Variants in NHS observed in about 807,000 individuals in gnomAD.
NHS encodes the protein NHS actin remodeling regulator.
Under a neutral mutation model 72.5 loss-of-function variants are expected in NHS, and 5 were observed. That is an observed-to-expected ratio of 0.07 (90% confidence interval 0.04 to 0.14). NHS has a LOEUF of 0.14. Among genes scored for constraint, NHS ranks in the 10% least tolerant of loss-of-function variants. NHS has a pLI of 1.00. For missense variants in NHS, 1,072 were observed against 1,355.7 expected, an observed-to-expected ratio of 0.79 and a Z score of 3.29; for synonymous variants, 464 against 547.7, an observed-to-expected ratio of 0.85 and a Z score of 2.13.
intron 1 of NHS, among the ~76,000 whole-genome samples, chrX:17,594,043 C>T (rs1304868219): frequency 1.8e-5 from 2 of 112,080 alleles, no homozygotes; most frequent in Admixed American, 9.4e-5. Context: ...CACTGAGTAC[C>T]TATTGTGTAC....
chrX:17,470,941 G>T (rs886544770), intron 1 of NHS, among the ~76,000 whole-genome samples: 1 of 111,180 alleles, frequency 9.0e-6, no homozygotes, highest in Admixed American at 9.6e-5. Context: ...CAGTGGGGGG[G>T]TGTTGATCAT....
intron 1 of NHS, among the ~76,000 whole-genome samples, chrX:17,574,893 T>C (rs944613390): frequency 1.8e-5 from 2 of 111,833 alleles, no homozygotes; most frequent in Non-Finnish European, 3.8e-5. Context: ...GCTGTTACCA[T>C]TATAGATGGG....
chrX:17,674,805 C>T (rs963965191), intron 1 of NHS, among the ~76,000 whole-genome samples: 2 of 112,077 alleles, frequency 1.8e-5, no homozygotes, highest in Non-Finnish European at 3.8e-5. Flanking sequence ...CTCTCCTCAT[C>T]ACTGTGTGGG....
At chrX:17,679,754 CAA>C (rs1268126140) in intron 1 of NHS, among the ~76,000 whole-genome samples, 1 of 108,567 alleles carries the variant, frequency 9.2e-6, no homozygotes, top group Non-Finnish European at 1.9e-5. Flanking sequence ...ACTCAGAATG[CAA>C]AAGAGACAGA....
intron 5 of NHS, 125 bp downstream of exon 5, chrX:17,721,758 A>G: frequency 1.7e-6 from 1 of 581,578 alleles, no homozygotes; most frequent in Non-Finnish European, 2.6e-6. Context: ...TCATCAAAAT[A>G]CAAACCCAGA....
chrX:17,664,600 C>A (rs963797395), intron 1 of NHS, among the ~76,000 whole-genome samples: 4 of 112,140 alleles, frequency 3.6e-5, no homozygotes, highest in Non-Finnish European at 7.5e-5. Flanking sequence ...ACTGTCTTGA[C>A]CTCTGTAGAT....
intron 4 of NHS, among the ~76,000 whole-genome samples, chrX:17,719,908 T>TG (rs1266507005): frequency 9.0e-6 from 1 of 110,752 alleles, no homozygotes; most frequent in Non-Finnish European, 1.9e-5. Flanking sequence ...CCTCTGGTGG[T>TG]GGGGGGTTTC....
chrX:17,637,396 G>T (rs1017895733), intron 1 of NHS, among the ~76,000 whole-genome samples: 5 of 111,515 alleles, frequency 4.5e-5, no homozygotes, highest in Middle Eastern at 4.6e-3. Flanking sequence ...GGACTGGGCG[G>T]GGGTGGTGGT....
chrX:17,712,253 G>GTATATATATATATATATATATA (rs1216194040), intron 3 of NHS, among the ~76,000 whole-genome samples: 1 of 50,151 alleles, frequency 2.0e-5, no homozygotes, highest in African/African-American at 6.7e-5. Flanking sequence ...TTGTGTGTGT[G>GTATATATATATATATATATATA]TATATATATA....
intron 1 of NHS, among the ~76,000 whole-genome samples, chrX:17,440,760 AC>A (rs759573978): frequency 7.2e-5 from 8 of 111,642 alleles, no homozygotes; most frequent in South Asian, 3.8e-4. Context: ...GAAATAAGCA[AC>A]CCCTTTCCTT....
At chrX:17,450,237 CACTTGAAAGGGGAGTAGCAA>C (rs923266489) in intron 1 of NHS, among the ~76,000 whole-genome samples, 1 of 111,568 alleles carries the variant, frequency 9.0e-6, no homozygotes, top group African/African-American at 3.3e-5. Context: ...GTTTGGCTAA[CACTTGAAAGGGGAGTAGCAA>C]ACTTCTAATT....
At chrX:17,675,782 T>G (rs1419131402) in intron 1 of NHS, among the ~76,000 whole-genome samples, 2 of 112,195 alleles carry the variant, frequency 1.8e-5, no homozygotes, top group Non-Finnish European at 3.8e-5. Flanking sequence ...ATACCTAGGC[T>G]TTTGGGATGG....
chrX:17,398,276 A>G (rs767637260), intron 1 of NHS, among the ~76,000 whole-genome samples: 2 of 111,980 alleles, frequency 1.8e-5, no homozygotes, highest in South Asian at 3.8e-4. Context: ...CTTGTAACCT[A>G]TCATTTGAGG....
chrX:17,430,357 C>T lies in NHS; in HGVS notation c.565+54035C>T, dbSNP rs868738292. Reference sequence around the variant, plus strand: ...TTCTTCTCTTTCTTTCTTTCTTTTTCTTCTTTCTTTCTTTCCTTCTTTCTT... The same window carrying T: ...TTCTTCTCTTTCTTTCTTTCTTTTTTTTCTTTCTTTCTTTCCTTCTTTCTT... On this transcript the variant is annotated intron_variant, in intron 1 of 8. Transcript: ENST00000676302. Among the ~76,000 whole-genome samples the T allele has an allele frequency of 9.3e-3, 599 of 64,588 alleles. 9 individuals carry two copies. Among genetic ancestry groups the T allele is most frequent in the African/African-American group, 0.033 (561 of 17,117 alleles). The allele number at this position is 64,588 out of a possible 115,157, so 56.1% of individuals were successfully genotyped here.
At chrX:17,526,719 T>A (rs762195715) in intron 1 of NHS, among the ~76,000 whole-genome samples, 3 of 111,648 alleles carry the variant, frequency 2.7e-5, no homozygotes, top group Non-Finnish European at 3.8e-5. Context: ...TTGGGAGAAT[T>A]TGTAGGGGAG....
At chrX:17,394,854 C>G (rs1459080163) in intron 1 of NHS, among the ~76,000 whole-genome samples, 1 of 111,421 alleles carries the variant, frequency 9.0e-6, no homozygotes, top group Non-Finnish European at 1.9e-5. Context: ...ACACATACCA[C>G]CCCGACATTT....
At chrX:17,410,901 C>T (rs1035598279) in intron 1 of NHS, among the ~76,000 whole-genome samples, 2 of 111,663 alleles carry the variant, frequency 1.8e-5, no homozygotes, top group African/African-American at 6.5e-5. Flanking sequence ...TTGGAAGGAG[C>T]CAGCACACCA....
chrX:17,408,954 GGA>G (rs369974924), intron 1 of NHS, among the ~76,000 whole-genome samples: 36 of 103,070 alleles, frequency 3.5e-4, no homozygotes, highest in Middle Eastern at 5.0e-3. Context: ...GACGGAGAGA[GGA>G]GAGAGAGAGA....
intron 1 of NHS, among the ~76,000 whole-genome samples, chrX:17,535,720 G>A (rs779736773): frequency 2.3e-4 from 26 of 110,905 alleles, no homozygotes; most frequent in African/African-American, 8.2e-4. Context: ...CTGGGACCAC[G>A]GGTGCCCACC....
Sources: gnomAD v4.1 joint callset for allele counts (sites outside exome capture counted in the v4.1 genomes callset) on GRCh38, gnomAD v4.1.1 for gene constraint, MANE v1.5 for transcripts, NCBI Gene and HGNC (gene_info 2026-07-23, HGNC 2026-07-21) for gene names.